ZC2HC1A: variants seen among roughly 807,000 people sequenced by gnomAD.
The protein encoded by ZC2HC1A is zinc finger C2HC domain-containing protein 1A.
ZC2HC1A carries 28 observed loss-of-function variants against 40.7 expected under a neutral mutation model. The ratio of observed to expected loss-of-function variants is 0.69; its 90% CI spans 0.51 to 0.94. The LOEUF (loss-of-function observed/expected upper bound fraction) is 0.94, where lower values mean the gene tolerates loss of function less well. ZC2HC1A is among the 40% of genes least tolerant of loss of function. The pLI is 0.00. For synonymous variants in ZC2HC1A, 129 were observed against 129.2 expected, an observed-to-expected ratio of 1.00 and a Z score of 0.01; for missense variants, 389 against 386.3, an observed-to-expected ratio of 1.01 and a Z score of -0.06.
chr8:78,688,945 C>A (rs1332168990), intron 4 of ZC2HC1A, among the ~76,000 whole-genome samples: 1 of 151,648 alleles, frequency 6.6e-6, no homozygotes, highest in Non-Finnish European at 1.5e-5. Flanking sequence ...TCTGCTTACT[C>A]TTTTGTACTA....
chr8:78,676,378 C>T (rs933790986), intron 2 of ZC2HC1A, among the ~76,000 whole-genome samples: 3 of 151,814 alleles, frequency 2.0e-5, no homozygotes, highest in Admixed American at 1.3e-4. Flanking sequence ...TGTAAAAGTA[C>T]ACCTAAAATT....
intron 7 of ZC2HC1A, among the ~76,000 whole-genome samples, chr8:78,707,980 G>A (rs1487484769): frequency 3.3e-5 from 5 of 151,548 alleles, no homozygotes; most frequent in Admixed American, 1.3e-4. Context: ...AGAATGCCTA[G>A]GCTAACAAAA....
At chr8:78,681,947 G>C (rs1585987043) in intron 3 of ZC2HC1A, among the ~76,000 whole-genome samples, 1 of 120,692 alleles carries the variant, frequency 8.3e-6, no homozygotes, top group Non-Finnish European at 1.7e-5. Flanking sequence ...TTACTATGTT[G>C]ACCAGGCTGG....
chr8:78,710,431 G>A (rs2130599490), intron 7 of ZC2HC1A, among the ~76,000 whole-genome samples: 1 of 151,948 alleles, frequency 6.6e-6, no homozygotes, highest in Middle Eastern at 3.4e-3. Context: ...TGTTTCCATT[G>A]GATAATTACC....
In ZC2HC1A at chr8:78,715,402, A is replaced by G. The variant is rs1811069949; in HGVS notation, c.812+74A>G. 6 of 1,329,678 alleles carry G rather than the reference A, an allele frequency of 4.5e-6. No homozygotes were observed. In the South Asian group the frequency reaches 8.7e-5, roughly 19 times the overall value. The allele number at this position is 1,329,678 out of a possible 1,614,324, so 82.4% of individuals were successfully genotyped here. A position where few individuals can be genotyped will look rare whatever the true frequency, so the allele number is the denominator to read the frequency against. On this transcript the variant is annotated intron_variant, in intron 8 of 8. Transcript: ENST00000263849. ...GATAGTTTTCCAAGGACCATACACA[A>G]AAGTAAGTAACAAGCTATTTATAGA...
chr8:78,686,204 G>T (rs965284563), intron 3 of ZC2HC1A, among the ~76,000 whole-genome samples: 1 of 152,086 alleles, frequency 6.6e-6, no homozygotes, highest in African/African-American at 2.4e-5. Flanking sequence ...AGTCTTAGTG[G>T]GAGGATAAAT....
intron 4 of ZC2HC1A, among the ~76,000 whole-genome samples, chr8:78,686,954 A>G (rs1810000016): frequency 6.6e-6 from 1 of 152,156 alleles, no homozygotes; most frequent in South Asian, 2.1e-4. Context: ...CAGGAGTCAT[A>G]TAATTATGTT....
intron 1 of ZC2HC1A, among the ~76,000 whole-genome samples, chr8:78,669,916 A>G (rs1452010526): frequency 1.3e-5 from 2 of 151,768 alleles, no homozygotes; most frequent in East Asian, 1.9e-4. Flanking sequence ...TAGGTGCTCA[A>G]CAAATACTTA....
At chr8:78,686,422 A>G in intron 3 of ZC2HC1A, 45 bp from the exon 4 acceptor site, 1 of 1,252,290 alleles carries the variant, frequency 8.0e-7, no homozygotes, top group Non-Finnish European at 1.0e-6. Context: ...TACTAAAAAG[A>G]TACTGTTTGT....
intron 3 of ZC2HC1A, among the ~76,000 whole-genome samples, chr8:78,683,340 T>A (rs1254533206): frequency 6.6e-6 from 1 of 152,198 alleles, no homozygotes; most frequent in Non-Finnish European, 1.5e-5. Flanking sequence ...CATCCAGGTG[T>A]TTCCATACAT....
intron 2 of ZC2HC1A, among the ~76,000 whole-genome samples, chr8:78,677,967 A>G (rs577957945): frequency 1.3e-5 from 2 of 152,210 alleles, no homozygotes; most frequent in East Asian, 3.9e-4. Flanking sequence ...TTTTTAAACC[A>G]TATAGGGTAA....
intron 8 of ZC2HC1A, among the ~76,000 whole-genome samples, 158 bp from the exon 9 acceptor site, chr8:78,717,170 T>C (rs973108620): frequency 6.6e-6 from 1 of 152,178 alleles, no homozygotes; most frequent in African/African-American, 2.4e-5. Context: ...AGAATTTTAG[T>C]ATTTACTAAC....
intron 8 of ZC2HC1A, among the ~76,000 whole-genome samples, chr8:78,716,336 G>A (rs370700393): frequency 1.7e-4 from 26 of 151,784 alleles, no homozygotes; most frequent in African/African-American, 5.3e-4. Context: ...TGTTAGCCAC[G>A]ATGGTCTTGA....
At chr8:78,696,821 TA>T (rs2130538774) in intron 5 of ZC2HC1A, among the ~76,000 whole-genome samples, 1 of 152,322 alleles carries the variant, frequency 6.6e-6, no homozygotes, top group South Asian at 2.1e-4. Flanking sequence ...ATGGCTGAAT[TA>T]TATATATGGA....
At chr8:78,694,562 A>T (rs1810335569) in intron 5 of ZC2HC1A, among the ~76,000 whole-genome samples, 2 of 152,138 alleles carry the variant, frequency 1.3e-5, no homozygotes, top group Non-Finnish European at 2.9e-5. Flanking sequence ...TTACAATTCC[A>T]TATGGTTTGG....
chr8:78,711,863 C>A, intron 7 of ZC2HC1A: 1 of 452,090 alleles, frequency 2.2e-6, no homozygotes, highest in Non-Finnish European at 3.9e-6. Flanking sequence ...CTTACCTTGA[C>A]AGTCAGATAA....
intron 1 of ZC2HC1A, among the ~76,000 whole-genome samples, chr8:78,668,100 A>C (rs1034493182): frequency 2.6e-5 from 4 of 152,146 alleles, no homozygotes; most frequent in African/African-American, 9.7e-5. Context: ...AGTTCAATCT[A>C]ATAAAAGCTC....
At chr8:78,671,881 G>A (rs569120367) in intron 1 of ZC2HC1A, among the ~76,000 whole-genome samples, 1 of 152,266 alleles carries the variant, frequency 6.6e-6, no homozygotes, top group Admixed American at 6.5e-5. Flanking sequence ...CAGTAAGAAA[G>A]ATGTCTTCCA....
At chr8:78,707,888 A>ATT (rs1810826828) in intron 7 of ZC2HC1A, among the ~76,000 whole-genome samples, 1 of 146,894 alleles carries the variant, frequency 6.8e-6, no homozygotes, top group Admixed American at 6.8e-5. Context: ...TGAAGTAATG[A>ATT]TTTGTTTCTC....
Sources: gnomAD v4.1 joint callset for allele counts (sites outside exome capture counted in the v4.1 genomes callset) on GRCh38, gnomAD v4.1.1 for gene constraint, MANE v1.5 for transcripts, NCBI Gene and HGNC (gene_info 2026-07-23, HGNC 2026-07-21) for gene names.